Variants in GRID2 observed in about 807,000 individuals in gnomAD.
GRID2 encodes glutamate ionotropic receptor delta type subunit 2.
Under a neutral mutation model 114.8 loss-of-function variants are expected in GRID2, and 33 were observed. That is an observed-to-expected ratio of 0.29 (90% CI 0.22 to 0.38). The LOEUF (loss-of-function observed/expected upper bound fraction) is 0.38. Ranked by LOEUF, GRID2 falls within the 10% of genes least tolerant of loss-of-function variation. The pLI is 1.00. For synonymous variants in GRID2, 505 were observed against 449.9 expected (o/e 1.12, Z -1.55); for missense variants, 1,184 against 1,257.7 (o/e 0.94, Z 0.89).
chr4:93,395,089 T>C (rs1403502135), intron 8 of GRID2, among the ~76,000 whole-genome samples: 1 of 152,030 alleles, frequency 6.6e-6, no homozygotes, highest in Non-Finnish European at 1.5e-5. Flanking sequence ...AATTATATTG[T>C]TTTATGTGCT....
chr4:93,578,197 T>G (rs541423203), intron 13 of GRID2, among the ~76,000 whole-genome samples: 1 of 152,334 alleles, frequency 6.6e-6, no homozygotes, highest in African/African-American at 2.4e-5. Context: ...AAGGCTTCTC[T>G]TGTCTGCACG....
chr4:92,800,499 TA>T (rs1740100915), intron 2 of GRID2, among the ~76,000 whole-genome samples: 1 of 151,906 alleles, frequency 6.6e-6, no homozygotes, highest in Admixed American at 6.6e-5. Context: ...CATATATCAA[TA>T]TGGAAGGCAT....
chr4:92,527,184 C>T (rs368234982), intron 1 of GRID2, among the ~76,000 whole-genome samples: 20 of 152,018 alleles, frequency 1.3e-4, no homozygotes, highest in African/African-American at 9.7e-5. Flanking sequence ...AATGGAATCT[C>T]CATGCATTTA....
intron 9 of GRID2, among the ~76,000 whole-genome samples, chr4:93,397,479 A>G (rs1765446350): frequency 6.6e-6 from 1 of 152,018 alleles, no homozygotes; most frequent in South Asian, 2.1e-4. Flanking sequence ...CTTTGAGAAA[A>G]GAAAGCAAAT....
chr4:93,524,777 A>T (rs1730663714), intron 13 of GRID2, among the ~76,000 whole-genome samples: 2 of 108,656 alleles, frequency 1.8e-5, no homozygotes, highest in Admixed American at 1.0e-4. Context: ...AAATATATGT[A>T]TGTATGTGTA....
intron 14 of GRID2, among the ~76,000 whole-genome samples, chr4:93,672,094 CT>C (rs1477885842): frequency 4.6e-5 from 7 of 152,208 alleles, no homozygotes; most frequent in Admixed American, 4.6e-4. Flanking sequence ...CTTCTTTTTG[CT>C]GCTCCCCTCA....
intron 2 of GRID2, among the ~76,000 whole-genome samples, chr4:92,599,620 A>G (rs1729106902): frequency 6.6e-6 from 1 of 152,144 alleles, no homozygotes; most frequent in African/African-American, 2.4e-5. Context: ...AAACAGATTT[A>G]CTTTTTGGTC....
At chr4:92,308,260 T>C (rs1465945937) in intron 1 of GRID2, among the ~76,000 whole-genome samples, 1 of 152,168 alleles carries the variant, frequency 6.6e-6, no homozygotes, top group Non-Finnish European at 1.5e-5. Context: ...GTTTTAACAG[T>C]TTAATATATG....
At chr4:92,611,096 GTGTGTGTATA>G (rs1474071680) in intron 2 of GRID2, among the ~76,000 whole-genome samples, 9 of 144,382 alleles carry the variant, frequency 6.2e-5, no homozygotes, top group Admixed American at 3.5e-4. Context: ...ATATATATGT[GTGTGTGTATA>G]TGTGTGTGTA....
intron 1 of GRID2, among the ~76,000 whole-genome samples, chr4:92,482,980 A>C (rs1560661381): frequency 6.6e-6 from 1 of 152,194 alleles, no homozygotes; most frequent in Non-Finnish European, 1.5e-5. Context: ...CATACATGGA[A>C]TATTTTGACA....
chr4:92,819,305 A>G (rs1303133392), intron 2 of GRID2, among the ~76,000 whole-genome samples: 7 of 152,086 alleles, frequency 4.6e-5, no homozygotes, highest in East Asian at 1.9e-4. Flanking sequence ...TTCAACCCCA[A>G]TTGCTGAGAG....
chr4:93,332,822 G>T (rs1758637768), intron 8 of GRID2, among the ~76,000 whole-genome samples: 1 of 152,026 alleles, frequency 6.6e-6, no homozygotes, highest in Admixed American at 6.6e-5. Context: ...CTCCTAATGA[G>T]ACGCCTTTCT....
At chr4:92,773,627 T>TA (rs1001235280) in intron 2 of GRID2, among the ~76,000 whole-genome samples, 3 of 151,966 alleles carry the variant, frequency 2.0e-5, no homozygotes, top group Middle Eastern at 3.2e-3. Flanking sequence ...AAATATTATA[T>TA]AAAAAATAGT....
chr4:93,192,180 T>G (rs1288092322), intron 4 of GRID2, among the ~76,000 whole-genome samples: 1 of 152,178 alleles, frequency 6.6e-6, no homozygotes, highest in East Asian at 1.9e-4. Context: ...ACACTTTGCT[T>G]TTTTAACAAA....
At chr4:93,605,379 T>C (rs1014147747) in intron 13 of GRID2, among the ~76,000 whole-genome samples, 7 of 152,318 alleles carry the variant, frequency 4.6e-5, no homozygotes, top group Admixed American at 4.6e-4. Context: ...TGCTGAGTCA[T>C]ACCTACACTT....
chr4:93,462,748 T>C lies in GRID2; in HGVS notation c.1858+6774T>C, dbSNP rs150995338. ...TTTAATAGTGTAGATATCAAATATA[T>C]GAAACTTACCAATGTCCTATTTACA... On this transcript the variant is annotated intron_variant, in intron 11 of 15. Coordinates refer to ENST00000282020, the MANE Select transcript of GRID2 (RefSeq NM_001510.4). Among the ~76,000 whole-genome samples the C allele has an allele frequency of 2.9e-3, 441 of 151,514 alleles. 4 individuals carry two copies. Among genetic ancestry groups the C allele is most frequent in the African/African-American group, 0.01 (418 of 41,284 alleles).
At chr4:92,801,544 CT>C (rs1171015514) in intron 2 of GRID2, among the ~76,000 whole-genome samples, 2 of 151,764 alleles carry the variant, frequency 1.3e-5, no homozygotes, top group Non-Finnish European at 2.9e-5. Context: ...ATATAGATTT[CT>C]TTGTTTTATT....
chr4:93,355,478 A>T (rs1761243582), intron 8 of GRID2, among the ~76,000 whole-genome samples: 1 of 152,090 alleles, frequency 6.6e-6, no homozygotes, highest in Non-Finnish European at 1.5e-5. Flanking sequence ...GAATTTGCAG[A>T]GGCCATATCT....
intron 2 of GRID2, among the ~76,000 whole-genome samples, chr4:92,859,118 A>C (rs911238846): frequency 6.6e-6 from 1 of 152,130 alleles, no homozygotes; most frequent in Non-Finnish European, 1.5e-5. Context: ...CAATGTGGCA[A>C]ACTTCATTTT....
Sources: gnomAD v4.1 joint callset for allele counts (sites outside exome capture counted in the v4.1 genomes callset) on GRCh38, gnomAD v4.1.1 for gene constraint, MANE v1.5 for transcripts, NCBI Gene and HGNC (gene_info 2026-07-23, HGNC 2026-07-21) for gene names.